Variants in ST7L observed in about 807,000 individuals in gnomAD.
The protein encoded by ST7L is suppression of tumorigenicity 7 like.
In ST7L, 57 loss-of-function variants were observed where a neutral mutation model predicts 72.5. That is an observed-to-expected ratio of 0.79 (90% CI 0.64 to 0.98). The LOEUF is 0.98. Among genes scored for constraint, ST7L ranks in the 50% least tolerant of loss-of-function variants. The pLI is 0.00. For synonymous variants in ST7L, 221 were observed against 240.9 expected (o/e 0.92, Z 0.77); for missense variants, 576 against 672.2 (o/e 0.86, Z 1.58).
At chr1:112,601,460 T>C (rs903384156) in intron 3 of ST7L, among the ~76,000 whole-genome samples, 1 of 152,114 alleles carries the variant, frequency 6.6e-6, no homozygotes, top group Non-Finnish European at 1.5e-5. Flanking sequence ...TTAGTCAGGA[T>C]GGTCTCAATC....
intron 14 of ST7L, among the ~76,000 whole-genome samples, chr1:112,531,914 A>C (rs1393640301): frequency 6.6e-6 from 1 of 152,216 alleles, no homozygotes; most frequent in East Asian, 1.9e-4. Flanking sequence ...CCATTCAATA[A>C]GCCAACATTC....
chr1:112,537,088 T>C (rs1173606782), intron 14 of ST7L, among the ~76,000 whole-genome samples: 2 of 151,974 alleles, frequency 1.3e-5, no homozygotes, highest in African/African-American at 4.8e-5. Flanking sequence ...TTCCGCCTTC[T>C]AGGTTCAAGC....
intron 13 of ST7L, among the ~76,000 whole-genome samples, chr1:112,547,644 C>T (rs2101503600): frequency 7.2e-6 from 1 of 138,412 alleles, no homozygotes; most frequent in South Asian, 2.4e-4. Context: ...CTCACTGCAA[C>T]CTCCGCCTCC....
intron 13 of ST7L, among the ~76,000 whole-genome samples, chr1:112,545,014 T>G (rs1244288683): frequency 6.6e-6 from 1 of 152,150 alleles, no homozygotes; most frequent in Non-Finnish European, 1.5e-5. Context: ...ACTAGGGGAA[T>G]AGTTCAACTC....
intron 14 of ST7L, among the ~76,000 whole-genome samples, chr1:112,533,624 T>C (rs1332713432): frequency 6.6e-6 from 1 of 151,338 alleles, no homozygotes; most frequent in Admixed American, 6.6e-5. Context: ...GAGTTCTTTA[T>C]TTTTAAGTAA....
intron 3 of ST7L, among the ~76,000 whole-genome samples, chr1:112,605,301 G>C (rs1312191392): frequency 1.3e-5 from 2 of 152,140 alleles, no homozygotes; most frequent in Non-Finnish European, 2.9e-5. Context: ...GCTGAGGCAG[G>C]AGAATCACCT....
intron 3 of ST7L, among the ~76,000 whole-genome samples, chr1:112,602,289 AATAAATTC>A (rs1177480019): frequency 6.6e-6 from 1 of 152,206 alleles, no homozygotes; most frequent in Non-Finnish European, 1.5e-5. Context: ...AATTCTTCAA[AATAAATTC>A]TAAGACATTA....
chr1:112,574,602 T>G (rs958538841), intron 11 of ST7L, among the ~76,000 whole-genome samples: 6 of 149,890 alleles, frequency 4.0e-5, no homozygotes, highest in African/African-American at 1.5e-4. Flanking sequence ...GAGCTTGCAG[T>G]GAGCCTAGAT....
At chr1:112,610,796 A>T (rs775939504) in intron 3 of ST7L, 45 bp downstream of exon 3, 2 of 1,595,358 alleles carry the variant, frequency 1.3e-6, no homozygotes, top group East Asian at 4.5e-5. Context: ...AGCCAAACTC[A>T]ATCTTAAATA....
intron 14 of ST7L, among the ~76,000 whole-genome samples, chr1:112,530,446 G>A (rs532896472): frequency 3.3e-5 from 5 of 152,106 alleles, no homozygotes; most frequent in Admixed American, 1.3e-4. Context: ...ATGGATTCTC[G>A]CTCTGTCACT....
At chr1:112,517,986 T>A in the ST7L span, 1 of 152,600 alleles carries the variant, frequency 6.6e-6, no homozygotes, top group Admixed American at 6.5e-5. Context: ...ACCAATCTGC[T>A]GGGTAAAGGT....
At chr1:112,579,141 T>G (rs1663646783) in intron 9 of ST7L, among the ~76,000 whole-genome samples, 1 of 152,024 alleles carries the variant, frequency 6.6e-6, no homozygotes. Context: ...TCCCAGCACT[T>G]TGGGAGGCTG....
intron 2 of ST7L, among the ~76,000 whole-genome samples, chr1:112,614,660 G>A (rs1282764882): frequency 6.6e-6 from 1 of 151,786 alleles, no homozygotes; most frequent in East Asian, 1.9e-4. Flanking sequence ...ATAAAAAAAA[G>A]AACAGGCTGG....
At chr1:112,560,006 A>G (rs1659843283) in intron 11 of ST7L, among the ~76,000 whole-genome samples, 1 of 152,078 alleles carries the variant, frequency 6.6e-6, no homozygotes, top group Admixed American at 6.5e-5. Context: ...TCCTTATGCT[A>G]GCTTATTTTT....
chr1:112,568,137 C>A (rs995142046), intron 11 of ST7L, among the ~76,000 whole-genome samples: 1 of 152,026 alleles, frequency 6.6e-6, no homozygotes, highest in Non-Finnish European at 1.5e-5. Flanking sequence ...CTTGTGCACG[C>A]ATGTGAATGA....
intron 14 of ST7L, chr1:112,528,125 A>G (rs1653766348): frequency 6.6e-6 from 1 of 152,218 alleles, no homozygotes; most frequent in African/African-American, 2.4e-5. Context: ...CAGAGATGGC[A>G]TTCCACAGGA....
intron 5 of ST7L, among the ~76,000 whole-genome samples, chr1:112,596,112 T>C (rs2101991564): frequency 6.6e-6 from 1 of 152,346 alleles, no homozygotes. Context: ...ACTGTGCTGC[T>C]GTTATTTCCC....
chr1:112,609,441 G>C (rs1172345670), intron 3 of ST7L, among the ~76,000 whole-genome samples: 1 of 151,700 alleles, frequency 6.6e-6, no homozygotes, highest in Non-Finnish European at 1.5e-5. Context: ...TGAGGAAGGA[G>C]AATCACTTGA....
intron 2 of ST7L, among the ~76,000 whole-genome samples, chr1:112,614,640 C>A (rs1669579931): frequency 6.6e-6 from 1 of 151,970 alleles, no homozygotes; most frequent in African/African-American, 2.4e-5. Context: ...CTGGAGAGCA[C>A]CACCTAGAGA....
Sources: allele counts gnomAD v4.1 joint callset (sites outside exome capture counted in the v4.1 genomes callset), GRCh38; gene constraint gnomAD v4.1.1; transcripts MANE v1.5; gene names NCBI Gene and HGNC (gene_info 2026-07-23, HGNC 2026-07-21).